The following NR2C2 variants were observed in gnomAD, a reference collection of about 807,000 sequenced individuals.
The protein encoded by NR2C2 is nuclear receptor subfamily 2 group C member 2.
A neutral mutation model predicts 62.9 loss-of-function variants in NR2C2; 6 were observed. The observed-to-expected ratio is 0.10, with a 90% CI of 0.05 to 0.19. The LOEUF (loss-of-function observed/expected upper bound fraction) is 0.19, where lower values mean the gene tolerates loss of function less well. NR2C2 is among the 10% of genes least tolerant of loss of function. The probability of loss-of-function intolerance (pLI) is 1.00; values close to 1 mark genes in which losing one functional copy is unlikely to be tolerated. For missense variants in NR2C2, 479 were observed against 762.7 expected, an observed-to-expected ratio of 0.63 and a Z score of 4.38; for synonymous variants, 272 against 273.8, an observed-to-expected ratio of 0.99 and a Z score of 0.07.
intron 10 of NR2C2, chr3:15,034,441 GA>G: frequency 2.2e-6 from 1 of 463,948 alleles, no homozygotes; most frequent in Non-Finnish European, 3.8e-6. Flanking sequence ...ATTATTTAAA[GA>G]ATGTTTTTTA....
intron 1 of NR2C2, among the ~76,000 whole-genome samples, chr3:14,970,180 T>C (rs367685190): frequency 2.4e-3 from 351 of 147,098 alleles, no homozygotes; most frequent in African/African-American, 8.3e-3. Context: ...TTCTGGTATT[T>C]AACTTCATGC....
chr3:14,951,801 G>A (rs764352062), intron 1 of NR2C2, among the ~76,000 whole-genome samples: 2 of 152,020 alleles, frequency 1.3e-5, no homozygotes, highest in Non-Finnish European at 2.9e-5. Context: ...AGGCTGGAGT[G>A]CAGTGGTGCG....
intron 1 of NR2C2, among the ~76,000 whole-genome samples, chr3:14,984,395 C>T (rs1162224906): frequency 1.3e-5 from 2 of 152,092 alleles, no homozygotes; most frequent in African/African-American, 4.8e-5. Context: ...AGATACTCAG[C>T]TTATTGATAT....
chr3:14,960,997 A>G (rs980238235), intron 1 of NR2C2, among the ~76,000 whole-genome samples: 1 of 152,218 alleles, frequency 6.6e-6, no homozygotes, highest in African/African-American at 2.4e-5. Flanking sequence ...AGTTTTTACC[A>G]TCTATTAAAA....
At chr3:14,993,390 G>T (rs1342201779) in intron 1 of NR2C2, among the ~76,000 whole-genome samples, 1 of 151,352 alleles carries the variant, frequency 6.6e-6, no homozygotes, top group East Asian at 1.9e-4. Flanking sequence ...GGAGGCGGAG[G>T]TTACAGTGAG....
chr3:14,948,973 A>G (rs1219489932), intron 1 of NR2C2, among the ~76,000 whole-genome samples: 1 of 152,198 alleles, frequency 6.6e-6, no homozygotes, highest in Non-Finnish European at 1.5e-5. Flanking sequence ...CTTCAGAGTC[A>G]CTTGAAAATG....
chr3:14,962,363 C>T (rs1040964856), intron 1 of NR2C2: 1 of 152,634 alleles, frequency 6.6e-6, no homozygotes, highest in African/African-American at 2.4e-5. Flanking sequence ...TTCAAGTAGT[C>T]TGGTTTCTCC....
intron 9 of NR2C2, among the ~76,000 whole-genome samples, chr3:15,030,867 C>T (rs555538684): frequency 3.9e-4 from 59 of 152,264 alleles, no homozygotes; most frequent in Non-Finnish European, 7.4e-4. Context: ...TTGGAGTGAG[C>T]TCATCTTCAA....
chr3:15,037,213 G>T (rs939404550), intron 11 of NR2C2, among the ~76,000 whole-genome samples: 9 of 117,076 alleles, frequency 7.7e-5, no homozygotes, highest in African/African-American at 3.4e-4. Flanking sequence ...TTTTGTTTGT[G>T]TGTGTGTGTG....
intron 1 of NR2C2, among the ~76,000 whole-genome samples, chr3:14,992,290 A>AC (rs1187572417): frequency 6.6e-6 from 1 of 151,100 alleles, no homozygotes; most frequent in Non-Finnish European, 1.5e-5. Flanking sequence ...AGCCTCATAA[A>AC]CCCCCCTGTG....
chr3:15,022,394 CTTTCTTTT>C (rs2041694746), intron 5 of NR2C2, among the ~76,000 whole-genome samples: 1 of 121,072 alleles, frequency 8.3e-6, no homozygotes, highest in African/African-American at 2.9e-5. Context: ...TTTTCTTTTT[CTTTCTTTT>C]TTTTTTTTTT....
chr3:14,972,977 C>G (rs1452355471), intron 1 of NR2C2, among the ~76,000 whole-genome samples: 1 of 152,168 alleles, frequency 6.6e-6, no homozygotes, highest in African/African-American at 2.4e-5. Context: ...CAGGCCGCAC[C>G]TCCAGCACTG....
intron 4 of NR2C2, among the ~76,000 whole-genome samples, chr3:15,018,491 G>A (rs1490948649): frequency 6.6e-6 from 1 of 152,170 alleles, no homozygotes; most frequent in Non-Finnish European, 1.5e-5. Flanking sequence ...AAATGGCCGA[G>A]TTATATGAAA....
intron 1 of NR2C2, chr3:14,959,435 G>C (rs922130478): frequency 6.6e-6 from 1 of 152,194 alleles, no homozygotes; most frequent in African/African-American, 2.4e-5. Context: ...TCCTCTGACT[G>C]GATTTAAGTC....
intron 1 of NR2C2, 70 bp from the exon 2 acceptor site, chr3:15,003,806 C>A (rs750195630): frequency 1.6e-5 from 15 of 929,480 alleles, no homozygotes; most frequent in African/African-American, 9.8e-5. Flanking sequence ...AAGCAAGAGG[C>A]GTGGTCTTCA....
chr3:15,029,681 G>A (rs2041914443), intron 8 of NR2C2, among the ~76,000 whole-genome samples: 1 of 152,126 alleles, frequency 6.6e-6, no homozygotes, highest in African/African-American at 2.4e-5. Context: ...GGGCCTAGGT[G>A]CAGTGGCTCA....
intron 1 of NR2C2, among the ~76,000 whole-genome samples, chr3:14,957,227 G>T (rs925941093): frequency 1.3e-5 from 2 of 152,208 alleles, no homozygotes; most frequent in Non-Finnish European, 2.9e-5. Flanking sequence ...TGAATCAGTT[G>T]ATTGTGGAGG....
intron 2 of NR2C2, among the ~76,000 whole-genome samples, chr3:15,008,521 C>G (rs1574997742): frequency 7.3e-6 from 1 of 137,854 alleles, no homozygotes; most frequent in Non-Finnish European, 1.5e-5. Context: ...GACCTGGTCT[C>G]AAGAAAAAAA....
At chr3:14,989,576 CAT>C (rs1559548726) in intron 1 of NR2C2, among the ~76,000 whole-genome samples, 1 of 152,062 alleles carries the variant, frequency 6.6e-6, no homozygotes, top group Admixed American at 6.6e-5. Context: ...GGAAGGATCA[CAT>C]GAGTTCAGGT....
Sources: allele counts gnomAD v4.1 joint callset (sites outside exome capture counted in the v4.1 genomes callset), GRCh38; gene constraint gnomAD v4.1.1; transcripts MANE v1.5; gene names NCBI Gene and HGNC (gene_info 2026-07-23, HGNC 2026-07-21).